Variants in AFG2A observed in about 807,000 individuals in gnomAD.
The protein encoded by AFG2A is ATPase family gene 2 protein homolog A.
chr4:123,306,148 C>T, the AFG2A span, among the ~76,000 whole-genome samples: 3 of 152,134 alleles, frequency 2.0e-5, no homozygotes, highest in African/African-American at 7.2e-5. Context: ...TGCTTTTTTC[C>T]CCACATTTGA....
chr4:123,286,144 T>C, the AFG2A span, among the ~76,000 whole-genome samples: 1 of 152,166 alleles, frequency 6.6e-6, no homozygotes, highest in South Asian at 2.1e-4. Flanking sequence ...TTGAGTTGCA[T>C]AGAATAGCTC....
the AFG2A span, among the ~76,000 whole-genome samples, chr4:122,935,041 A>T: frequency 6.6e-6 from 1 of 152,196 alleles, no homozygotes. Flanking sequence ...TAATGACTGA[A>T]GGGATAAACC....
chr4:123,058,812 C>A, the AFG2A span, among the ~76,000 whole-genome samples: 8 of 24,826 alleles, frequency 3.2e-4, no homozygotes, highest in Non-Finnish European at 9.5e-4. Flanking sequence ...CCATATCATT[C>A]CGCCCCGGCC....
At chr4:122,989,854 T>C in the AFG2A span, among the ~76,000 whole-genome samples, 1 of 152,142 alleles carries the variant, frequency 6.6e-6, no homozygotes. Flanking sequence ...ATGCATGTTT[T>C]CTTATTTATT....
the AFG2A span, among the ~76,000 whole-genome samples, chr4:123,206,828 A>G: frequency 1.3e-5 from 2 of 152,176 alleles, no homozygotes; most frequent in African/African-American, 2.4e-5. Context: ...TGTGTTTTTC[A>G]CCCATCCTTT....
the AFG2A span, among the ~76,000 whole-genome samples, chr4:123,259,327 T>A: frequency 6.6e-6 from 1 of 152,334 alleles, no homozygotes; most frequent in African/African-American, 2.4e-5. Context: ...CATTTTTCCT[T>A]CGTGGAGAGG....
At chr4:123,234,993 A>G in the AFG2A span, among the ~76,000 whole-genome samples, 1 of 152,308 alleles carries the variant, frequency 6.6e-6, no homozygotes, top group Admixed American at 6.5e-5. Flanking sequence ...AAAGAGTTTG[A>G]ACAATATCAA....
chr4:123,182,754 T>C, the AFG2A span, among the ~76,000 whole-genome samples: 2 of 152,196 alleles, frequency 1.3e-5, no homozygotes, highest in Non-Finnish European at 1.5e-5. Flanking sequence ...TTTACTTTTT[T>C]CTTGACCCTT....
chr4:123,117,890 G>A, the AFG2A span, among the ~76,000 whole-genome samples: 1 of 151,710 alleles, frequency 6.6e-6, no homozygotes, highest in Non-Finnish European at 1.5e-5. Flanking sequence ...ACCAGCCAGG[G>A]CTACGCAACT....
the AFG2A span, among the ~76,000 whole-genome samples, chr4:123,283,188 A>T: frequency 6.6e-6 from 1 of 152,294 alleles, no homozygotes; most frequent in South Asian, 2.1e-4. Context: ...TTGTGCTGCG[A>T]ATGATGTTTA....
the AFG2A span, among the ~76,000 whole-genome samples, chr4:123,054,436 T>G: frequency 6.6e-6 from 1 of 151,392 alleles, no homozygotes; most frequent in Non-Finnish European, 1.5e-5. Context: ...TTTTATGAAT[T>G]AAGTCATTAT....
the AFG2A span, among the ~76,000 whole-genome samples, chr4:123,270,594 A>G: frequency 1.3e-5 from 2 of 152,240 alleles, no homozygotes; most frequent in Non-Finnish European, 2.9e-5. Context: ...AAATAATGCA[A>G]AAAACATAGC....
At chr4:122,932,238 G>A in the AFG2A span, among the ~76,000 whole-genome samples, 3 of 151,108 alleles carry the variant, frequency 2.0e-5, no homozygotes, top group Non-Finnish European at 4.4e-5. Context: ...TCACACCACC[G>A]CACTCCAGCC....
chr4:123,304,003 ATCTGAAATCTGTCC>A, the AFG2A span, among the ~76,000 whole-genome samples: 1 of 151,840 alleles, frequency 6.6e-6, no homozygotes, highest in Non-Finnish European at 1.5e-5. Context: ...AATTCCTTAA[ATCTGAAATCTGTCC>A]TCTGAAATAC....
At chr4:122,945,176 C>G in the AFG2A span, among the ~76,000 whole-genome samples, 12 of 152,196 alleles carry the variant, frequency 7.9e-5, no homozygotes, top group Non-Finnish European at 1.6e-4. Context: ...AGCTGTCAGA[C>G]AGGGACATTT....
At chr4:123,251,560 CA>C in the AFG2A span, among the ~76,000 whole-genome samples, 1 of 151,976 alleles carries the variant, frequency 6.6e-6, no homozygotes, top group East Asian at 1.9e-4. Context: ...ATCTAATTCC[CA>C]AAATTTGGGG....
chr4:123,256,646 C>A, the AFG2A span: 4 of 943,038 alleles, frequency 4.2e-6, no homozygotes, highest in South Asian at 2.0e-4. Flanking sequence ...TCATTATCAT[C>A]TTTTTGTCAT....
At chr4:123,109,470 A>G in the AFG2A span, among the ~76,000 whole-genome samples, 4 of 152,136 alleles carry the variant, frequency 2.6e-5, no homozygotes, top group African/African-American at 9.7e-5. Context: ...TTTATTACTA[A>G]TTATAATATG....
At chr4:123,090,819 T>C in the AFG2A span, 13 of 1,431,466 alleles carry the variant, frequency 9.1e-6, no homozygotes, top group Non-Finnish European at 1.2e-5. Flanking sequence ...TAGAGGATAT[T>C]GAAGAATGTA....
Sources: gnomAD v4.1 joint callset for allele counts (sites outside exome capture counted in the v4.1 genomes callset) on GRCh38, gnomAD v4.1.1 for gene constraint, MANE v1.5 for transcripts, NCBI Gene and HGNC (gene_info 2026-07-23, HGNC 2026-07-21) for gene names.